Variants in CCDC81 observed in about 807,000 individuals in gnomAD.
The protein encoded by CCDC81 is coiled-coil domain containing 81.
Under a neutral mutation model 83.7 loss-of-function variants are expected in CCDC81, and 79 were observed. The observed-to-expected ratio is 0.94, with a 90% CI of 0.79 to 1.14. The LOEUF (loss-of-function observed/expected upper bound fraction) is 1.14. Among genes scored for constraint, CCDC81 ranks in the 50% most tolerant of loss-of-function variants. The pLI is 0.00. For missense variants in CCDC81, 791 were observed against 778.1 expected (o/e 1.02, Z -0.20); for synonymous variants, 252 against 278.1 (o/e 0.91, Z 0.93).
Position 86,392,584 on chromosome 11 carries a change from G to T in CCDC81, c.342G>T (p.Leu114=). 6.4e-7 allele frequency: 1 copy of T among 1,551,606 alleles called. No individual in the cohort carries two copies. The change falls in exon 4 of 15, where the codon CTG becomes CTT. Residue 114 remains leucine (L), a synonymous_variant. Transcript: ENST00000445632. The part of the protein sequence containing the change: ...IVPLNFVMIS[L]EGPFNRDVVE... Reference sequence around the variant, plus strand: ...CACTTAATTTTGTCATGATATCCCTGGAGGGTCCATTTAACAGAGATGTAG... The same window carrying T: ...CACTTAATTTTGTCATGATATCCCTTGAGGGTCCATTTAACAGAGATGTAG...
intron 2 of CCDC81, among the ~76,000 whole-genome samples, chr11:86,386,355 C>T (rs1421283900): frequency 6.6e-6 from 1 of 152,098 alleles, no homozygotes; most frequent in African/African-American, 2.4e-5. Context: ...TTCTGCTCTT[C>T]TAGTGTTACA....
intron 5 of CCDC81, among the ~76,000 whole-genome samples, chr11:86,396,813 T>C (rs755765658): frequency 6.6e-6 from 1 of 152,226 alleles, no homozygotes; most frequent in Non-Finnish European, 1.5e-5. Context: ...TGAAAAGAAT[T>C]TTATTTTGAT....
intron 1 of CCDC81, among the ~76,000 whole-genome samples, chr11:86,382,155 GT>G (rs1446565672): frequency 1.3e-5 from 2 of 152,176 alleles, no homozygotes; most frequent in Non-Finnish European, 2.9e-5. Context: ...GCCATTAAGT[GT>G]TTTGAGCTGG....
chr11:86,386,752 T>G (rs1364509996), intron 2 of CCDC81, among the ~76,000 whole-genome samples: 1 of 152,220 alleles, frequency 6.6e-6, no homozygotes, highest in African/African-American at 2.4e-5. Context: ...CACTTAAACT[T>G]GGGAAAAATC....
At chr11:86,420,184 G>A in intron 14 of CCDC81, 131 bp downstream of exon 14, 2 of 1,015,646 alleles carry the variant, frequency 2.0e-6, no homozygotes, top group Non-Finnish European at 2.9e-6. Context: ...GTATTCCATG[G>A]GAAATACTGC....
chr11:86,421,307 C>G (rs1948785445), intron 14 of CCDC81, among the ~76,000 whole-genome samples: 1 of 152,018 alleles, frequency 6.6e-6, no homozygotes, highest in African/African-American at 2.4e-5. Flanking sequence ...TAAGACTGCC[C>G]TTGATAATCC....
intron 14 of CCDC81, among the ~76,000 whole-genome samples, chr11:86,421,772 G>C (rs1948794447): frequency 1.3e-5 from 2 of 152,236 alleles, no homozygotes; most frequent in South Asian, 4.1e-4. Flanking sequence ...ACAAAAATTA[G>C]CTGGGTGTGG....
chr11:86,422,925 T>C lies in CCDC81; in HGVS notation c.*210T>C. Reference sequence around the variant, plus strand: ...TTCCTATACTAGTTTCTGATGGCAGTGAAGGTGTCTGAATGGTCCTGAGGG... The same window carrying C: ...TTCCTATACTAGTTTCTGATGGCAGCGAAGGTGTCTGAATGGTCCTGAGGG... On this transcript the variant is annotated 3_prime_UTR_variant, in exon 15 of 15. Transcript: ENST00000445632. The C allele has an allele frequency of 1.8e-6, 1 of 548,742 alleles. No individual in the cohort carries two copies. Among genetic ancestry groups the C allele is most frequent in the East Asian group, 3.2e-5 (1 of 30,888 alleles). The allele number at this position is 548,742 out of a possible 1,614,324, so 34.0% of individuals were successfully genotyped here.
intron 3 of CCDC81, among the ~76,000 whole-genome samples, chr11:86,389,444 A>G (rs1948293348): frequency 6.6e-6 from 1 of 152,202 alleles, no homozygotes; most frequent in African/African-American, 2.4e-5. Flanking sequence ...ATTGACTCAT[A>G]GTTCTGCAGG....
intron 3 of CCDC81, among the ~76,000 whole-genome samples, chr11:86,390,768 T>A (rs745855108): frequency 6.6e-6 from 1 of 152,122 alleles, no homozygotes; most frequent in Non-Finnish European, 1.5e-5. Flanking sequence ...GCTCATGCTA[T>A]CAATTACCTT....
In CCDC81 at chr11:86,412,373, C is replaced by T. The variant is rs1423971121; in HGVS notation, c.1219-14C>T. The T allele has an allele frequency of 1.0e-5, 16 of 1,560,272 alleles. No individual in the cohort carries two copies. Among genetic ancestry groups the T allele is most frequent in the Non-Finnish European group, 1.3e-5 (15 of 1,154,750 alleles). On this transcript the variant is annotated splice_polypyrimidine_tract_variant and intron_variant, in intron 10 of 14. Transcript: ENST00000445632. ...GTACTCTAGCATAAATGAATTGCTTCTCTTTCATTCTAGAAATCCTTCCTA... is the reference window on the plus strand; with the variant it reads ...GTACTCTAGCATAAATGAATTGCTTTTCTTTCATTCTAGAAATCCTTCCTA...
chr11:86,420,540 T>C (rs1354685851), intron 14 of CCDC81, among the ~76,000 whole-genome samples: 1 of 152,226 alleles, frequency 6.6e-6, no homozygotes, highest in Non-Finnish European at 1.5e-5. Context: ...TTCACATCAC[T>C]ACTGTTGTAT....
rs749786105 is a variant in CCDC81, at chr11:86,412,486, C to G, written c.1318C>G (p.Gln440Glu). ...RSLLKQMDNRQENEIKQRQYR... is the reference protein window; with the variant it reads ...RSLLKQMDNREENEIKQRQYR... ...TCTCCTGAAACAAATGGATAACAGA[C>G]AGGAAAACGAAATAAAGCAAAGACA... is the stretch of plus-strand genomic sequence containing the variant. Residue 440 changes from glutamine (Q) to glutamate (E), a missense_variant, in exon 11 of 15, where the codon CAG (glutamine) becomes GAG (glutamate). Coordinates refer to ENST00000445632, the MANE Select transcript of CCDC81 (RefSeq NM_001156474.2). The G allele has an allele frequency of 5.0e-6, 8 of 1,613,896 alleles. No homozygotes were observed. The highest frequency in any genetic ancestry group is 1.6e-4 in the Middle Eastern group (1 of 6,062).
At chr11:86,385,502 T>C (rs188769970) in intron 1 of CCDC81, among the ~76,000 whole-genome samples, 99 of 152,332 alleles carry the variant, frequency 6.5e-4, no homozygotes, top group Non-Finnish European at 1.0e-3. Context: ...GTAGAGCAAG[T>C]GACAGCTGGT....
intron 5 of CCDC81, among the ~76,000 whole-genome samples, chr11:86,396,155 C>G (rs912281552): frequency 6.6e-6 from 1 of 152,208 alleles, no homozygotes; most frequent in African/African-American, 2.4e-5. Flanking sequence ...AATAAGGAAA[C>G]AGCTTTACTC....
chr11:86,381,029 A>T (rs957660201), intron 1 of CCDC81, among the ~76,000 whole-genome samples: 2 of 152,166 alleles, frequency 1.3e-5, no homozygotes, highest in African/African-American at 4.8e-5. Context: ...GGGTAAAAGT[A>T]ACTGCTATAA....
chr11:86,415,171 C>T lies in CCDC81; in HGVS notation c.1549C>T (p.Leu517=). The T allele has an allele frequency of 1.2e-6, 2 of 1,614,186 alleles. No homozygotes were observed. Among genetic ancestry groups the T allele is most frequent in the Non-Finnish European group, 1.7e-6 (2 of 1,180,030 alleles). Residue 517 remains leucine (L), a synonymous_variant, in exon 13 of 15, where the codon CTG becomes TTG. Transcript: ENST00000445632. ...CATCTTTGGTAAGAATGAGGGTGAA[C>T]TGATGGTGGAAAAGCAAAAGCGAGA... ...EPIFGKNEGE[L]MVEKQKREQN...
At chr11:86,381,808 G>A (rs2138491509) in intron 1 of CCDC81, among the ~76,000 whole-genome samples, 1 of 152,292 alleles carries the variant, frequency 6.6e-6, no homozygotes, top group Non-Finnish European at 1.5e-5. Flanking sequence ...ATTTAATAGA[G>A]AGTAAGGATG....
In CCDC81 at chr11:86,423,057, T is replaced by C. The variant is rs1450468018; in HGVS notation, c.*342T>C. 4.4e-6 allele frequency: 1 copy of C among 227,642 alleles called. No homozygotes were observed. Among genetic ancestry groups the C allele is most frequent in the African/African-American group, 2.3e-5 (1 of 43,910 alleles). 14.1% of individuals were successfully genotyped at this position (227,642 alleles called of 1,614,324 possible). On this transcript the variant is annotated 3_prime_UTR_variant, in exon 15 of 15. Coordinates refer to ENST00000445632, the MANE Select transcript of CCDC81 (RefSeq NM_001156474.2). The stretch of plus-strand genomic sequence containing the variant: ...TGCTCCATGACTTTGTGTACAAAAC[T>C]TTTTTCATCTGTAATGAATAGTGGC...
Sources: gnomAD v4.1 joint callset for allele counts (sites outside exome capture counted in the v4.1 genomes callset) on GRCh38, gnomAD v4.1.1 for gene constraint, MANE v1.5 for transcripts, NCBI Gene and HGNC (gene_info 2026-07-23, HGNC 2026-07-21) for gene names.